The following HRH4 variants were observed in gnomAD, a reference collection of about 807,000 sequenced individuals.
HRH4 encodes the protein histamine receptor H4, also known as histamine H4 receptor.
Under a neutral mutation model 10.4 loss-of-function variants are expected in HRH4, and 12 were observed. The ratio of observed to expected loss-of-function variants is 1.15; its 90% CI spans 0.74 to 1.87. HRH4 has a LOEUF of 1.87. Ranked by LOEUF, HRH4 falls within the 40% of genes most tolerant of loss-of-function variation. The pLI, the probability that HRH4 is intolerant of heterozygous loss-of-function variation, is 0.00. For missense variants in HRH4, 415 were observed against 453.3 expected (o/e 0.92, Z 0.77); for synonymous variants, 154 against 166.6 (o/e 0.92, Z 0.58).
chr18:24,462,187 G>A (rs1909662099), intron 1 of HRH4, among the ~76,000 whole-genome samples: 1 of 152,188 alleles, frequency 6.6e-6, no homozygotes, highest in Non-Finnish European at 1.5e-5. Context: ...CTTCCTAAGG[G>A]TGAGTGAGCT....
chr18:24,476,643 G>T (rs1910136243), intron 2 of HRH4, 104 bp from the exon 3 acceptor site: 3 of 857,230 alleles, frequency 3.5e-6, no homozygotes, highest in Middle Eastern at 7.2e-4. Context: ...GTTAGTTAAT[G>T]TCTCCATCCT....
intron 2 of HRH4, among the ~76,000 whole-genome samples, chr18:24,476,065 C>G (rs554815632): frequency 2.0e-5 from 3 of 152,198 alleles, no homozygotes; most frequent in Non-Finnish European, 4.4e-5. Context: ...GGTTAATCTT[C>G]TTGGGAGTGA....
At chr18:24,472,828 G>A (rs1910009523) in intron 2 of HRH4, among the ~76,000 whole-genome samples, 1 of 152,152 alleles carries the variant, frequency 6.6e-6, no homozygotes, top group Non-Finnish European at 1.5e-5. Flanking sequence ...GAACAGCAGG[G>A]CTTCATGGTA....
At chr18:24,469,510 C>T (rs757106057) in intron 2 of HRH4, among the ~76,000 whole-genome samples, 5 of 152,080 alleles carry the variant, frequency 3.3e-5, no homozygotes, top group Non-Finnish European at 4.4e-5. Flanking sequence ...GCCTCATCTA[C>T]GAGTTAGTGG....
Position 24,476,893 on chromosome 18 carries a change from T to C in HRH4, c.504T>C (p.Phe168=). The change falls in exon 3 of 3, where the codon TTT becomes TTC. Residue 168 remains phenylalanine, a synonymous_variant. Transcript: ENST00000256906. ...KDEGSECEPG[F]FSEWYILAIT... ...AAGGTAGTGAATGTGAACCTGGATT[T>C]TTTTCGGAATGGTACATCCTTGCCA... 1 of 1,614,206 alleles carries C rather than the reference T, an allele frequency of 6.2e-7. No homozygotes were observed. Among genetic ancestry groups the C allele is most frequent in the South Asian group, 1.1e-5 (1 of 91,084 alleles).
Position 24,476,970 on chromosome 18 carries a change from A to G in HRH4, c.581A>G (p.Asn194Ser). Residue 194 changes from asparagine to serine, a missense_variant, in exon 3 of 3, where the codon AAC (asparagine) becomes AGC (serine). Coordinates refer to ENST00000256906, the MANE Select transcript of HRH4 (RefSeq NM_021624.4). ...VIPVILVAYFNMNIYWSLWKR... is the reference protein window; with the variant it reads ...VIPVILVAYFSMNIYWSLWKR... Reference sequence around the variant, plus strand: ...CCAGTCATCTTAGTCGCTTATTTCAACATGAATATTTATTGGAGCCTGTGG... The same window carrying G: ...CCAGTCATCTTAGTCGCTTATTTCAGCATGAATATTTATTGGAGCCTGTGG... 6.2e-7 allele frequency: 1 copy of G among 1,614,212 alleles called. No homozygotes were observed. Among genetic ancestry groups the G allele is most frequent in the Non-Finnish European group, 8.5e-7 (1 of 1,180,038 alleles).
In HRH4 at chr18:24,463,195, C is replaced by T. The variant is rs117941858; in HGVS notation, c.193+2274C>T. Among the ~76,000 whole-genome samples, 163 of 152,318 alleles carry T rather than the reference C, an allele frequency of 1.1e-3. 2 individuals carry two copies. The East Asian group carries it at 0.029, about 27-fold the overall frequency. ...AGCTTGTCTTTGGAAAATGGCCCTG[C>T]AGATGTAGTTATTCAGCAGTCCTGG... On this transcript the variant is annotated intron_variant, in intron 1 of 2. Transcript: ENST00000256906.
Position 24,468,779 on chromosome 18 carries a change from C to G in HRH4, c.194-9C>G. ...GCTATGTTTTTACACTTATGTTTTC[C>G]CTGTGCAGGTGTGATCTCCATTCCT... On this transcript the variant is annotated splice_polypyrimidine_tract_variant and intron_variant, in intron 1 of 2. Transcript: ENST00000256906. 1 of 1,604,780 alleles carries G rather than the reference C, an allele frequency of 6.2e-7. No homozygotes were observed. The highest frequency in any genetic ancestry group is 8.5e-7 in the Non-Finnish European group (1 of 1,176,892).
chr18:24,473,263 A>G (rs1472252521), intron 2 of HRH4, among the ~76,000 whole-genome samples: 1 of 152,212 alleles, frequency 6.6e-6, no homozygotes, highest in Non-Finnish European at 1.5e-5. Context: ...ACCACAGGAA[A>G]TCTCATGGCT....
chr18:24,469,855 G>A (rs769694300), intron 2 of HRH4, among the ~76,000 whole-genome samples: 1 of 152,134 alleles, frequency 6.6e-6, no homozygotes, highest in Non-Finnish European at 1.5e-5. Flanking sequence ...GGATTATTTT[G>A]TCACCCGGGG....
intron 2 of HRH4, among the ~76,000 whole-genome samples, chr18:24,473,665 A>G (rs1475851592): frequency 6.6e-6 from 1 of 152,136 alleles, no homozygotes; most frequent in Non-Finnish European, 1.5e-5. Flanking sequence ...CAAACACCAT[A>G]TTTCCAAATA....
At chr18:24,463,522 T>G (rs950253329) in intron 1 of HRH4, among the ~76,000 whole-genome samples, 1 of 152,188 alleles carries the variant, frequency 6.6e-6, no homozygotes, top group African/African-American at 2.4e-5. Flanking sequence ...GGCGTGGACG[T>G]GGTGAGCATG....
intron 1 of HRH4, among the ~76,000 whole-genome samples, chr18:24,466,410 A>G (rs1200777508): frequency 5.3e-5 from 8 of 151,452 alleles, no homozygotes; most frequent in Non-Finnish European, 8.8e-5. Context: ...GGCATGAGCC[A>G]CCACTCTCAG....
At position 24,479,954 on chromosome 18, in the gene HRH4, T is replaced by G. The variant is rs1017808167; in HGVS notation, c.*2392T>G. On this transcript the variant is annotated 3_prime_UTR_variant, in exon 3 of 3. Transcript: ENST00000256906. ...AATTTGAGAAATAAACTCTCATAAA[T>G]GCACACATTTTTATAAACTTGCTAC... is the stretch of plus-strand genomic sequence containing the variant. The G allele has an allele frequency of 2.0e-5, 3 of 152,064 alleles. No individual in the cohort carries two copies. Among genetic ancestry groups the G allele is most frequent in the Non-Finnish European group, 2.9e-5 (2 of 68,012 alleles). The allele number at this position is 152,064 out of a possible 1,614,324, so 9.4% of individuals were successfully genotyped here.
Position 24,478,445 on chromosome 18 carries a change from C to G in HRH4, c.*883C>G, listed in dbSNP as rs553552673. 1 of 152,314 alleles carries G rather than the reference C, an allele frequency of 6.6e-6. No homozygotes were observed. Among genetic ancestry groups the G allele is most frequent in the South Asian group, 2.1e-4 (1 of 4,812 alleles). The allele number at this position is 152,314 out of a possible 1,614,324, so 9.4% of individuals were successfully genotyped here. A position where few individuals can be genotyped will look rare whatever the true frequency, so the allele number is the denominator to read the frequency against. On this transcript the variant is annotated 3_prime_UTR_variant, in exon 3 of 3. Transcript: ENST00000256906. ...GGCATGGTGGCTCACGCCTGAAATCCCAGCACTTTGGGAGGCCAAGGTGGG... is the reference window on the plus strand; with the variant it reads ...GGCATGGTGGCTCACGCCTGAAATCGCAGCACTTTGGGAGGCCAAGGTGGG...
In HRH4 at chr18:24,477,723, A is replaced by AT; in HGVS notation, c.*166dup. 1 of 530,532 alleles carries AT rather than the reference A, an allele frequency of 1.9e-6. No homozygotes were observed. Among genetic ancestry groups the AT allele is most frequent in the Non-Finnish European group, 3.3e-6 (1 of 304,386 alleles). 32.9% of individuals were successfully genotyped at this position (530,532 alleles called of 1,614,324 possible). A position where few individuals can be genotyped will look rare whatever the true frequency, so the allele number is the denominator to read the frequency against. Reference sequence around the variant, plus strand: ...TAGCAGTATAATATGACTTGATAATATTTTTGTAAACTTGTAGTCATAATA... The same window carrying AT: ...TAGCAGTATAATATGACTTGATAATATTTTTTGTAAACTTGTAGTCATAATA... On this transcript the variant is annotated 3_prime_UTR_variant, in exon 3 of 3. Coordinates refer to ENST00000256906, the MANE Select transcript of HRH4 (RefSeq NM_021624.4).
At position 24,468,884 on chromosome 18, in the gene HRH4, T is replaced by G; in HGVS notation, c.290T>G (p.Leu97Ter). Residue 97 changes from leucine (L) to a stop codon, truncating the protein, a stop_gained, in exon 2 of 3, where the codon TTA (leucine) becomes TGA (stop). Transcript: ENST00000256906. LOFTEE classifies it high-confidence loss of function. The part of the protein sequence containing the change: ...CVFWLTTDYL[L>*]CTASVYNIVL... ...TTTTGGCTCACTACTGACTATCTGT[T>G]ATGTACAGCATCTGTATATAACATT... 6.2e-7 allele frequency: 1 copy of G among 1,613,778 alleles called. No homozygotes were observed. Among genetic ancestry groups the G allele is most frequent in the Non-Finnish European group, 8.5e-7 (1 of 1,179,680 alleles).
At chr18:24,464,898 A>G (rs1374306143) in intron 1 of HRH4, among the ~76,000 whole-genome samples, 1 of 152,148 alleles carries the variant, frequency 6.6e-6, no homozygotes, top group African/African-American at 2.4e-5. Context: ...AGAGGGTGAT[A>G]ATTGCTACTG....
At chr18:24,469,998 G>A (rs74382337) in intron 2 of HRH4, among the ~76,000 whole-genome samples, 707 of 152,150 alleles carry the variant, frequency 4.6e-3, no homozygotes, top group African/African-American at 6.4e-3. Flanking sequence ...AGTCATCTAC[G>A]TGGAGGCAGA....
Sources: allele counts gnomAD v4.1 joint callset (sites outside exome capture counted in the v4.1 genomes callset), GRCh38; gene constraint gnomAD v4.1.1; transcripts MANE v1.5; gene names NCBI Gene and HGNC (gene_info 2026-07-23, HGNC 2026-07-21).